Variants in ZMAT4 observed in about 807,000 individuals in gnomAD.
The protein encoded by ZMAT4 is zinc finger matrin-type 4.
A neutral mutation model predicts 28.7 loss-of-function variants in ZMAT4; 17 were observed. That is an observed-to-expected ratio of 0.59 (90% CI 0.41 to 0.89). The LOEUF (loss-of-function observed/expected upper bound fraction) is 0.89, where lower values mean the gene tolerates loss of function less well. ZMAT4 is among the 40% of genes least tolerant of loss of function. The probability of loss-of-function intolerance (pLI) is 0.00; values close to 1 mark genes in which losing one functional copy is unlikely to be tolerated. For synonymous variants in ZMAT4, 117 were observed against 109.2 expected (o/e 1.07, Z -0.44); for missense variants, 240 against 283.8 (o/e 0.85, Z 1.11).
At chr8:40,688,974 G>C (rs4631452) in intron 4 of ZMAT4, among the ~76,000 whole-genome samples, 146,771 of 152,222 alleles carry the variant, frequency 0.96, 70,953 homozygotes, top group East Asian at 1. Flanking sequence ...AGTATGCCTG[G>C]TGTCAAGAAA....
chr8:40,742,764 C>T (rs1475395321), intron 3 of ZMAT4, among the ~76,000 whole-genome samples: 2 of 151,810 alleles, frequency 1.3e-5, no homozygotes, highest in Non-Finnish European at 2.9e-5. Flanking sequence ...CACACACACA[C>T]ACACACACAC....
chr8:40,895,155 AAG>A (rs10535500), intron 1 of ZMAT4, among the ~76,000 whole-genome samples: 82,368 of 151,834 alleles, frequency 0.54, 22,475 homozygotes, highest in Admixed American at 0.58. Flanking sequence ...TAGTGGTTAA[AAG>A]AGAGAGAGAT....
chr8:40,851,834 TCCTATAGAACAC>T (rs1208096988), intron 1 of ZMAT4, among the ~76,000 whole-genome samples: 1 of 152,190 alleles, frequency 6.6e-6, no homozygotes, highest in African/African-American at 2.4e-5. Context: ...CAACAGAACT[TCCTATAGAACAC>T]CCTATAGAAC....
intron 2 of ZMAT4, among the ~76,000 whole-genome samples, chr8:40,802,011 T>C (rs1432605874): frequency 6.6e-6 from 1 of 152,152 alleles, no homozygotes; most frequent in Non-Finnish European, 1.5e-5. Flanking sequence ...GAAAAAACAT[T>C]TGACAAAATC....
At chr8:40,604,041 C>A (rs909293753) in intron 5 of ZMAT4, among the ~76,000 whole-genome samples, 7 of 152,114 alleles carry the variant, frequency 4.6e-5, no homozygotes, top group South Asian at 2.1e-4. Flanking sequence ...TGGCGTATAG[C>A]AGTGCTACTG....
chr8:40,725,146 T>C (rs1811267752), intron 3 of ZMAT4, among the ~76,000 whole-genome samples: 1 of 152,060 alleles, frequency 6.6e-6, no homozygotes, highest in Admixed American at 6.5e-5. Flanking sequence ...GGCATTAGAG[T>C]TGTGCTTCCT....
intron 5 of ZMAT4, among the ~76,000 whole-genome samples, chr8:40,586,440 G>T (rs1445594244): frequency 6.6e-6 from 1 of 152,262 alleles, no homozygotes. Flanking sequence ...ACAGAAAACA[G>T]ATATAGAAGT....
chr8:40,688,003 A>C (rs938991377), intron 4 of ZMAT4, among the ~76,000 whole-genome samples: 2 of 152,148 alleles, frequency 1.3e-5, no homozygotes, highest in African/African-American at 4.8e-5. Flanking sequence ...AGACTTACTG[A>C]TTTCTAAGTC....
intron 2 of ZMAT4, among the ~76,000 whole-genome samples, chr8:40,786,298 G>A (rs1318790208): frequency 6.6e-6 from 1 of 152,058 alleles, no homozygotes; most frequent in East Asian, 1.9e-4. Flanking sequence ...ATTGACAAAG[G>A]TTTGAGTCCT....
At chr8:40,606,621 C>T (rs1358287068) in intron 5 of ZMAT4, among the ~76,000 whole-genome samples, 2 of 152,128 alleles carry the variant, frequency 1.3e-5, no homozygotes, top group African/African-American at 4.8e-5. Flanking sequence ...TTCTTTCATT[C>T]GTCTTGACTT....
At chr8:40,535,503 T>C (rs561954820) in intron 6 of ZMAT4, among the ~76,000 whole-genome samples, 1 of 152,064 alleles carries the variant, frequency 6.6e-6, no homozygotes, top group Non-Finnish European at 1.5e-5. Context: ...ACCCTGTCTC[T>C]ACTAAAAATA....
At chr8:40,879,954 G>A (rs1055810586) in intron 1 of ZMAT4, among the ~76,000 whole-genome samples, 48 of 152,204 alleles carry the variant, frequency 3.2e-4, no homozygotes, top group African/African-American at 1.2e-3. Context: ...CACTGCTGGG[G>A]AGGTTGATTC....
intron 5 of ZMAT4, among the ~76,000 whole-genome samples, chr8:40,606,454 T>C (rs1440803720): frequency 2.0e-5 from 3 of 152,252 alleles, no homozygotes; most frequent in Non-Finnish European, 2.9e-5. Flanking sequence ...TTTCACTGGA[T>C]ATAAAATTCT....
At chr8:40,652,974 C>G (rs1449748242) in intron 5 of ZMAT4, among the ~76,000 whole-genome samples, 7 of 150,760 alleles carry the variant, frequency 4.6e-5, no homozygotes. Context: ...GGGAGATATA[C>G]CTAATGTTAG....
rs1361872231 is a variant in ZMAT4, at chr8:40,587,667, G to A, written c.578-6406C>T. Among the ~76,000 whole-genome samples, 5 of 151,986 alleles carry A rather than the reference G, an allele frequency of 3.3e-5. No homozygotes were observed. In the East Asian group the frequency reaches 9.6e-4, roughly 29 times the overall value. ...TAAAATGGAATAATAAAAAGTATTA[G>A]ATTAAGCCAAAATAAGGCAGAAAAG... On this transcript the variant is annotated intron_variant, in intron 5 of 6. Coordinates refer to ENST00000297737, the MANE Select transcript of ZMAT4 (RefSeq NM_024645.3).
intron 4 of ZMAT4, among the ~76,000 whole-genome samples, chr8:40,685,060 A>G (rs1809340005): frequency 1.3e-5 from 2 of 152,150 alleles, no homozygotes; most frequent in Admixed American, 1.3e-4. Flanking sequence ...TTATGCATAT[A>G]TTTTGCATGT....
At chr8:40,595,449 A>G (rs1805058506) in intron 5 of ZMAT4, among the ~76,000 whole-genome samples, 1 of 152,180 alleles carries the variant, frequency 6.6e-6, no homozygotes, top group Non-Finnish European at 1.5e-5. Context: ...AATGCATGAT[A>G]AGGGAATTTT....
chr8:40,852,454 C>G (rs6987437), intron 1 of ZMAT4, among the ~76,000 whole-genome samples: 118,042 of 152,142 alleles, frequency 0.78, 45,917 homozygotes, highest in Admixed American at 0.81. Flanking sequence ...ATCTGCATCT[C>G]TATTCAATCT....
chr8:40,728,834 T>G (rs1235004294), intron 3 of ZMAT4, among the ~76,000 whole-genome samples: 1 of 152,190 alleles, frequency 6.6e-6, no homozygotes, highest in Non-Finnish European at 1.5e-5. Flanking sequence ...TGTCTAGTGC[T>G]CATGTGTAGT....
Sources: gnomAD v4.1 joint callset for allele counts (sites outside exome capture counted in the v4.1 genomes callset) on GRCh38, gnomAD v4.1.1 for gene constraint, MANE v1.5 for transcripts, NCBI Gene and HGNC (gene_info 2026-07-23, HGNC 2026-07-21) for gene names.